The following CCDC180 variants were observed in gnomAD, a reference collection of about 807,000 sequenced individuals.
CCDC180 encodes coiled-coil domain containing 180.
Under a neutral mutation model 209.2 loss-of-function variants are expected in CCDC180, and 154 were observed. That is an observed-to-expected ratio of 0.74 (90% CI 0.65 to 0.84). The LOEUF (loss-of-function observed/expected upper bound fraction) is 0.84, where lower values mean the gene tolerates loss of function less well. CCDC180 is among the 40% of genes least tolerant of loss of function. The pLI, the probability that CCDC180 is intolerant of heterozygous loss-of-function variation, is 0.00. For synonymous variants in CCDC180, 778 were observed against 749.1 expected, an observed-to-expected ratio of 1.04 and a Z score of -0.63; for missense variants, 1,874 against 1,997.3, an observed-to-expected ratio of 0.94 and a Z score of 1.18.
intron 10 of CCDC180, among the ~76,000 whole-genome samples, chr9:97,318,823 G>A (rs998287254): frequency 5.9e-5 from 9 of 152,202 alleles, no homozygotes; most frequent in African/African-American, 1.9e-4. Flanking sequence ...ACAATGAACG[G>A]GGGTGAGGAA....
rs1826744160 is a variant in CCDC180, at chr9:97,361,253, C to G, written c.3484-473C>G. Among the ~76,000 whole-genome samples the G allele has an allele frequency of 3.3e-5, 5 of 152,252 alleles. No individual in the cohort carries two copies. The South Asian group carries it at 1.0e-3, about 31-fold the overall frequency. ...GACCACTCACTCAGCCTGGCATTCA[C>G]TCCTCCATCCATTTGGTCAAAAACA... On this transcript the variant is annotated intron_variant, in intron 26 of 36. Transcript: ENST00000529487.
At chr9:97,332,070 T>C (rs1446159275) in intron 18 of CCDC180, among the ~76,000 whole-genome samples, 1 of 152,242 alleles carries the variant, frequency 6.6e-6, no homozygotes, top group East Asian at 1.9e-4. Flanking sequence ...GAGTTGATTT[T>C]TGTATGTGGT....
At position 97,355,276 on chromosome 9, in the gene CCDC180, CCACAAGTAGCTGGGACTATAGG is replaced by C. The variant is rs569725109; in HGVS notation, c.3264+273_3264+294del. On this transcript the variant is annotated intron_variant, in intron 24 of 36. Transcript: ENST00000529487. ...CTCAAGAGATCCTCCAGCCTCAGTC[CCACAAGTAGCTGGGACTATAGG>C]CACACGCCACCATGCCCAGCCAATT... 1.1e-4 allele frequency among the ~76,000 whole-genome samples: 16 copies of C among 152,050 alleles called. No individual in the cohort carries two copies. The East Asian group carries it at 1.2e-3, about 11-fold the overall frequency.
Position 97,361,839 on chromosome 9 carries a change from C to G in CCDC180, c.3597C>G (p.Ser1199Arg). 4 of 1,614,174 alleles carry G rather than the reference C, an allele frequency of 2.5e-6. No individual in the cohort carries two copies. Among genetic ancestry groups the G allele is most frequent in the Non-Finnish European group, 3.4e-6 (4 of 1,180,030 alleles). The change falls in exon 27 of 37, where the codon AGC becomes AGG. Residue 1199 changes from serine to arginine, a missense_variant. Transcript: ENST00000529487. Reference sequence around the variant, plus strand: ...CCCCTGAGTCCTTCACCCAGCTGAGCCGCGTGGGGAAGCCCCTGATTGAGG... The same window carrying G: ...CCCCTGAGTCCTTCACCCAGCTGAGGCGCGTGGGGAAGCCCCTGATTGAGG... ...VVTPESFTQL[S>R]RVGKPLIEDP...
intron 15 of CCDC180, 35 bp from the exon 16 acceptor site, chr9:97,327,985 G>T: frequency 6.3e-7 from 1 of 1,599,870 alleles, no homozygotes; most frequent in East Asian, 2.2e-5. Context: ...GTGGTTCCTA[G>T]CTGGGGTCTC....
chr9:97,343,719 A>G, intron 19 of CCDC180, 156 bp downstream of exon 19: 1 of 632,402 alleles, frequency 1.6e-6, no homozygotes, highest in Non-Finnish European at 2.7e-6. Context: ...CACAATAAAA[A>G]ATGGCAAAAT....
Position 97,308,136 on chromosome 9 carries a change from G to C in CCDC180, c.69+4G>C. 6.3e-7 allele frequency: 1 copy of C among 1,590,934 alleles called. No homozygotes were observed. The highest frequency in any genetic ancestry group is 8.6e-7 in the Non-Finnish European group (1 of 1,169,016). On this transcript the variant is annotated splice_donor_region_variant and intron_variant, in intron 2 of 36. Coordinates refer to ENST00000529487, the MANE Select transcript of CCDC180 (RefSeq NM_020893.6). ...CCAGCAGATCTTCCAGGCTGAGGTA[G>C]GAGCCGCCCTCTGTCCCGCTTTTCT...
rs367676512 is a variant in CCDC180, at chr9:97,350,364, G to C, written c.2856-45G>C. On this transcript the variant is annotated intron_variant, in intron 21 of 36. Transcript: ENST00000529487. ...CCACCTGCCCCTCCCTTGTCCCCCAGGGTTGTCCCCCATCACTGTCCTGTT... is the reference window on the plus strand; with the variant it reads ...CCACCTGCCCCTCCCTTGTCCCCCACGGTTGTCCCCCATCACTGTCCTGTT... 16 of 1,527,710 alleles carry C rather than the reference G, an allele frequency of 1.0e-5. No individual in the cohort carries two copies. The African/African-American group carries it at 2.2e-4, about 21-fold the overall frequency. 94.6% of individuals were successfully genotyped at this position (1,527,710 alleles called of 1,614,324 possible).
chr9:97,333,845 G>A (rs545862228), intron 18 of CCDC180, among the ~76,000 whole-genome samples: 5 of 150,752 alleles, frequency 3.3e-5, no homozygotes, highest in South Asian at 2.1e-4. Context: ...TTTTGAGATG[G>A]AGTCTCACTC....
rs188387437 is a variant in CCDC180 at position 97,330,803 on chromosome 9, A to G, written c.2274+36A>G. 7.2e-3 allele frequency: 11,219 copies of G among 1,560,336 alleles called. 58 individuals are homozygous for G. The highest frequency in any genetic ancestry group is 8.9e-3 in the Non-Finnish European group (10,352 of 1,160,308). ...AACTGATTCATTCTTGGGCATAGAG[A>G]AAGTTTGCTATGCTCATTTTGTGTT... On this transcript the variant is annotated intron_variant, in intron 18 of 36. Transcript: ENST00000529487.
chr9:97,354,847 G>T (rs751509378), intron 23 of CCDC180, 45 bp from the exon 24 acceptor site: 16 of 1,567,276 alleles, frequency 1.0e-5, no homozygotes, highest in East Asian at 2.2e-5. Context: ...AGTCCAAAAG[G>T]TCCAAATTAA....
rs1018058967 is a variant in CCDC180, at chr9:97,347,380, C to T, written c.2565C>T (p.Val855=). The stretch of plus-strand genomic sequence containing the variant: ...ACCAGTGTTCCCTCAACACCCGGGT[C>T]ACCGTGGCCACCAAAATCAATGAGC... The part of the protein sequence containing the change: ...WFDQCSLNTR[V]TVATKINELD... Residue 855 remains valine, a synonymous_variant, in exon 20 of 37, where the codon GTC becomes GTT. Coordinates refer to ENST00000529487, the MANE Select transcript of CCDC180 (RefSeq NM_020893.6). 6.5e-7 allele frequency: 1 copy of T among 1,536,016 alleles called. No individual in the cohort carries two copies. Among genetic ancestry groups the T allele is most frequent in the Admixed American group, 2.0e-5 (1 of 50,982 alleles).
chr9:97,324,513 G>C (rs1158306990), intron 13 of CCDC180, among the ~76,000 whole-genome samples: 1 of 152,214 alleles, frequency 6.6e-6, no homozygotes, highest in African/African-American at 2.4e-5. Flanking sequence ...ACAGGTAGAG[G>C]GCCAAATTTA....
intron 26 of CCDC180, 31 bp downstream of exon 26, chr9:97,360,132 G>T (rs1197515500): frequency 6.2e-7 from 1 of 1,607,740 alleles, no homozygotes; most frequent in Non-Finnish European, 8.5e-7. Flanking sequence ...GCAGGAAAGG[G>T]TGGGTGAGCT....
chr9:97,339,072 T>C (rs540725534), intron 18 of CCDC180, among the ~76,000 whole-genome samples: 2 of 152,258 alleles, frequency 1.3e-5, no homozygotes, highest in Admixed American at 6.5e-5. Flanking sequence ...GAGATAGGTC[T>C]CCTGAATACA....
intron 13 of CCDC180, 121 bp downstream of exon 13, chr9:97,324,024 C>T (rs1833444132): frequency 8.3e-7 from 1 of 1,205,676 alleles, no homozygotes; most frequent in South Asian, 1.5e-5. Context: ...TCCGCTCACC[C>T]TTGTCAGCCC....
chr9:97,333,725 T>G (rs1173579890), intron 18 of CCDC180, among the ~76,000 whole-genome samples: 4 of 151,896 alleles, frequency 2.6e-5, no homozygotes, highest in African/African-American at 7.2e-5. Context: ...TTTGTATTTC[T>G]GCGGGGTCAG....
chr9:97,318,891 T>C (rs993394757), intron 10 of CCDC180, among the ~76,000 whole-genome samples: 6 of 152,174 alleles, frequency 3.9e-5, no homozygotes, highest in African/African-American at 1.4e-4. Context: ...GATTTGGACC[T>C]TTTTCTGAGG....
rs1827229528 is a variant in CCDC180, at chr9:97,375,568, A to G, written c.4821A>G (p.Glu1607=). 1 of 1,614,226 alleles carries G rather than the reference A, an allele frequency of 6.2e-7. No homozygotes were observed. The highest frequency in any genetic ancestry group is 1.3e-5 in the African/African-American group (1 of 75,062). Residue 1607 remains glutamate (E), a synonymous_variant, in exon 36 of 37, where the codon GAA becomes GAG. Transcript: ENST00000529487. The stretch of plus-strand genomic sequence containing the variant: ...CCCTGGGCCACCTGGCGGCCGTGGA[A>G]GCCCGAGATGCTGTGTACCTGGTGA... ...KTTLGHLAAV[E]ARDAVYLKYL...
Sources: allele counts gnomAD v4.1 joint callset (sites outside exome capture counted in the v4.1 genomes callset), GRCh38; gene constraint gnomAD v4.1.1; transcripts MANE v1.5; gene names NCBI Gene and HGNC (gene_info 2026-07-23, HGNC 2026-07-21).